The following OPCML variants were observed in gnomAD, a reference collection of about 807,000 sequenced individuals.
The protein encoded by OPCML is opioid binding protein/cell adhesion molecule like.
In OPCML, 13 loss-of-function variants were observed where a neutral mutation model predicts 37.8. The observed-to-expected ratio is 0.34, with a 90% CI of 0.22 to 0.55. OPCML has a LOEUF of 0.55. Ranked by LOEUF, OPCML falls within the 20% of genes least tolerant of loss-of-function variation. The pLI, the probability that OPCML is intolerant of heterozygous loss-of-function variation, is 0.91. For synonymous variants in OPCML, 176 were observed against 168.8 expected (o/e 1.04, Z -0.33); for missense variants, 341 against 435.6 (o/e 0.78, Z 1.93).
intron 1 of OPCML, among the ~76,000 whole-genome samples, chr11:133,130,192 T>C (rs1244133596): frequency 2.0e-5 from 3 of 150,964 alleles, no homozygotes; most frequent in African/African-American, 7.3e-5. Flanking sequence ...AATGACAGAT[T>C]AGACAATGAA....
At chr11:132,895,955 G>C (rs2659603) in intron 2 of OPCML, among the ~76,000 whole-genome samples, 20,502 of 152,108 alleles carry the variant, frequency 0.13, 1,503 homozygotes, top group South Asian at 0.22. Flanking sequence ...CAGAAGTCTG[G>C]GGAATGCTTG....
intron 1 of OPCML, among the ~76,000 whole-genome samples, chr11:133,249,896 G>T (rs949417952): frequency 6.6e-6 from 1 of 152,216 alleles, no homozygotes; most frequent in Non-Finnish European, 1.5e-5. Context: ...AAAAGGCATA[G>T]AAATGGACGA....
In OPCML at chr11:133,140,850, CGACGAAGAA is replaced by C. The variant is rs1486348851; in HGVS notation, c.62-197849_62-197841del. On this transcript the variant is annotated intron_variant, in intron 1 of 7. Coordinates refer to ENST00000524381, the MANE Select transcript of OPCML (RefSeq NM_001012393.5). ...ACGACGACGAAGAAGACGACGACGA[CGACGAAGAA>C]GACGACGACGACGAAGAAGACGACG... Among the ~76,000 whole-genome samples, 4 of 70,260 alleles carry C rather than the reference CGACGAAGAA, an allele frequency of 5.7e-5. 1 individual carries two copies. Among genetic ancestry groups the C allele is most frequent in the African/African-American group, 1.1e-4 (2 of 17,478 alleles). 46.1% of individuals were successfully genotyped at this position (70,260 alleles called of 152,430 possible). A position where few individuals can be genotyped will look rare whatever the true frequency, so the allele number is the denominator to read the frequency against.
At chr11:132,847,420 A>G (rs1196796474) in intron 2 of OPCML, among the ~76,000 whole-genome samples, 1 of 152,256 alleles carries the variant, frequency 6.6e-6, no homozygotes, top group African/African-American at 2.4e-5. Flanking sequence ...AATTAAAAAC[A>G]GCAAGAAAGA....
At chr11:132,782,193 A>G (rs1947056212) in intron 2 of OPCML, among the ~76,000 whole-genome samples, 1 of 151,872 alleles carries the variant, frequency 6.6e-6, no homozygotes. Context: ...GATGTGAATG[A>G]AGTGAGGAGA....
chr11:133,352,407 T>C (rs1944161874), intron 1 of OPCML, among the ~76,000 whole-genome samples: 1 of 152,244 alleles, frequency 6.6e-6, no homozygotes, highest in African/African-American at 2.4e-5. Flanking sequence ...GTAGTTGTTT[T>C]CTTCTCACAC....
At chr11:133,138,231 G>A (rs1367126544) in intron 1 of OPCML, among the ~76,000 whole-genome samples, 1 of 152,202 alleles carries the variant, frequency 6.6e-6, no homozygotes, top group Non-Finnish European at 1.5e-5. Flanking sequence ...TCTTGACGCA[G>A]TGTATGACCT....
chr11:133,011,577 A>C (rs558267012), intron 1 of OPCML, among the ~76,000 whole-genome samples: 13 of 151,128 alleles, frequency 8.6e-5, no homozygotes, highest in Admixed American at 2.6e-4. Context: ...TTATTTAAAA[A>C]CTGAATGAAC....
intron 1 of OPCML, among the ~76,000 whole-genome samples, chr11:133,155,908 G>A (rs895274495): frequency 3.3e-5 from 5 of 152,066 alleles, no homozygotes; most frequent in African/African-American, 1.2e-4. Flanking sequence ...AAAAGATCCT[G>A]ACCTTTGTAC....
At chr11:133,013,005 A>G (rs1947249767) in intron 1 of OPCML, among the ~76,000 whole-genome samples, 1 of 152,122 alleles carries the variant, frequency 6.6e-6, no homozygotes, top group South Asian at 2.1e-4. Context: ...CTGGTCTGGC[A>G]CCTCTCATGG....
chr11:133,492,073 C>G (rs1029157966), intron 1 of OPCML, among the ~76,000 whole-genome samples: 1 of 152,176 alleles, frequency 6.6e-6, no homozygotes, highest in African/African-American at 2.4e-5. Context: ...ATGGGAAGCT[C>G]TCATCATGAC....
At chr11:132,714,526 G>T (rs190180299) in intron 2 of OPCML, among the ~76,000 whole-genome samples, 2 of 152,186 alleles carry the variant, frequency 1.3e-5, no homozygotes, top group African/African-American at 2.4e-5. Context: ...GGCAGAGCAC[G>T]CAATGCCGCA....
chr11:132,515,563 T>C (rs2096277828), intron 4 of OPCML, among the ~76,000 whole-genome samples: 1 of 152,180 alleles, frequency 6.6e-6, no homozygotes, highest in African/African-American at 2.4e-5. Flanking sequence ...GATCACCTCC[T>C]CTTGACCCTA....
intron 1 of OPCML, among the ~76,000 whole-genome samples, chr11:133,409,159 C>T (rs1258955291): frequency 7.9e-5 from 12 of 152,106 alleles, no homozygotes; most frequent in African/African-American, 2.7e-4. Flanking sequence ...AACCAACCAA[C>T]GCGTCATGAT....
chr11:133,284,884 T>C (rs1247709004), intron 1 of OPCML, among the ~76,000 whole-genome samples: 2 of 152,048 alleles, frequency 1.3e-5, no homozygotes. Context: ...GCCAGCCACA[T>C]AGCAGGAATA....
rs2096436026 is a variant in OPCML, at chr11:132,570,791, A to ATATATT, written c.380-41606_380-41605insAATATA. Among the ~76,000 whole-genome samples, 14 of 124,504 alleles carry ATATATT rather than the reference A, an allele frequency of 1.1e-4. No individual in the cohort carries two copies. In the South Asian group the frequency reaches 3.7e-3, roughly 33 times the overall value. 81.7% of individuals were successfully genotyped at this position (124,504 alleles called of 152,430 possible). ...TATATATATATATATATATATATAT[A>ATATATT]TATATATATATTTAGAGAGAGAGAG... On this transcript the variant is annotated intron_variant, in intron 3 of 7. Coordinates refer to ENST00000524381, the MANE Select transcript of OPCML (RefSeq NM_001012393.5).
intron 1 of OPCML, among the ~76,000 whole-genome samples, chr11:133,267,252 TAC>T (rs1941689496): frequency 6.6e-6 from 1 of 152,192 alleles, no homozygotes; most frequent in Non-Finnish European, 1.5e-5. Flanking sequence ...TTAGTATTGC[TAC>T]AGAGTTGTAC....
intron 1 of OPCML, among the ~76,000 whole-genome samples, chr11:133,441,626 T>C (rs1946366038): frequency 6.6e-6 from 1 of 152,190 alleles, no homozygotes; most frequent in Non-Finnish European, 1.5e-5. Flanking sequence ...TGTTTGTTTG[T>C]TTTAAAAGTC....
chr11:132,531,884 C>T (rs1239586188), intron 3 of OPCML, among the ~76,000 whole-genome samples: 1 of 151,878 alleles, frequency 6.6e-6, no homozygotes, highest in African/African-American at 2.4e-5. Flanking sequence ...AGAATAACGT[C>T]GCTTCAGCTG....
Sources: allele counts gnomAD v4.1 joint callset (sites outside exome capture counted in the v4.1 genomes callset), GRCh38; gene constraint gnomAD v4.1.1; transcripts MANE v1.5; gene names NCBI Gene and HGNC (gene_info 2026-07-23, HGNC 2026-07-21).